NPIPB11: variants seen among roughly 807,000 people sequenced by gnomAD.
The protein encoded by NPIPB11 is nuclear pore complex interacting protein family member B11.
A neutral mutation model predicts 32.8 loss-of-function variants in NPIPB11; 17 were observed. The ratio of observed to expected loss-of-function variants is 0.52; its 90% CI spans 0.35 to 0.78. The LOEUF (loss-of-function observed/expected upper bound fraction) is 0.78. Among genes scored for constraint, NPIPB11 ranks in the 30% least tolerant of loss-of-function variants. The probability of loss-of-function intolerance (pLI) is 0.01; values close to 1 mark genes in which losing one functional copy is unlikely to be tolerated. For missense variants in NPIPB11, 537 were observed against 1,000.4 expected (o/e 0.54, Z 6.25); for synonymous variants, 209 against 398.4 (o/e 0.52, Z 5.66).
intron 2 of NPIPB11, among the ~76,000 whole-genome samples, chr16:29,402,724 CTGTGTGTGTGTGTGTGTGTG>C (rs71214272): frequency 1.0e-4 from 12 of 119,634 alleles, no homozygotes; most frequent in African/African-American, 3.6e-4. Context: ...CTCTCTCTCT[CTGTGTGTGTGTGTGTGTGTG>C]TGTGTGTGTG....
intron 3 of NPIPB11, among the ~76,000 whole-genome samples, chr16:29,391,580 A>G (rs1338134013): frequency 6.6e-6 from 1 of 151,384 alleles, no homozygotes; most frequent in Non-Finnish European, 1.5e-5. Context: ...TAATGACTGA[A>G]TTCCCACCAA....
At chr16:29,391,541 G>T (rs1963722978) in intron 3 of NPIPB11, among the ~76,000 whole-genome samples, 1 of 148,148 alleles carries the variant, frequency 6.8e-6, no homozygotes, top group Non-Finnish European at 1.5e-5. Context: ...CATTGAGGCT[G>T]GTTTGAACTT....
chr16:29,391,333 A>T (rs1963718203), intron 3 of NPIPB11, among the ~76,000 whole-genome samples: 1 of 148,232 alleles, frequency 6.7e-6, no homozygotes, highest in African/African-American at 2.5e-5. Flanking sequence ...ACACGGTTAG[A>T]TGGTAATTAT....
chr16:29,383,324 A>G (rs1963542065), exon 8 of NPIPB11: 3 of 1,527,590 alleles, frequency 2.0e-6, no homozygotes, highest in Non-Finnish European at 1.8e-6. Context: ...TCTTGATATT[A>G]TCATCTGCTG....
chr16:29,399,219 C>T (rs1412304334), intron 2 of NPIPB11, among the ~76,000 whole-genome samples: 1 of 152,160 alleles, frequency 6.6e-6, no homozygotes, highest in African/African-American at 2.4e-5. Flanking sequence ...AGGGCTTCTG[C>T]CCGATCACAC....
chr16:29,397,318 C>T (rs1272492852), intron 2 of NPIPB11, among the ~76,000 whole-genome samples: 1 of 151,810 alleles, frequency 6.6e-6, no homozygotes, highest in Non-Finnish European at 1.5e-5. Flanking sequence ...GCGATCCTCC[C>T]ACCTCAGCCT....
At chr16:29,405,709 G>A (rs968165065), upstream of NPIPB11, among the ~76,000 whole-genome samples, 1 of 152,088 alleles carries the variant, frequency 6.6e-6, no homozygotes, top group African/African-American at 2.4e-5. Flanking sequence ...TTTTAACACA[G>A]TCAATGAAAT....
At chr16:29,406,437 G>T (rs1006168796), upstream of NPIPB11, among the ~76,000 whole-genome samples, 3 of 152,190 alleles carry the variant, frequency 2.0e-5, no homozygotes, top group African/African-American at 4.8e-5. Flanking sequence ...GTCATGAATG[G>T]CTGGGCACCG....
chr16:29,389,503 A>G (rs983695019), intron 5 of NPIPB11, among the ~76,000 whole-genome samples: 2 of 149,222 alleles, frequency 1.3e-5, no homozygotes, highest in Non-Finnish European at 3.0e-5. Flanking sequence ...GTGAAACCCC[A>G]TCTCTAGTAA....
chr16:29,393,780 A>C (rs1963778731), intron 3 of NPIPB11, among the ~76,000 whole-genome samples, 168 bp downstream of exon 3: 2 of 152,212 alleles, frequency 1.3e-5, no homozygotes, highest in Admixed American at 1.3e-4. Flanking sequence ...TAATTTTCAT[A>C]ACGCAAATGG....
chr16:29,397,237 C>T (rs202242056), intron 2 of NPIPB11, among the ~76,000 whole-genome samples: 5 of 150,606 alleles, frequency 3.3e-5, no homozygotes, highest in Admixed American at 6.6e-5. Context: ...TTTTGGTCCA[C>T]TTTGTTTGTT....
chr16:29,391,368 G>A (rs1366002649), intron 3 of NPIPB11, among the ~76,000 whole-genome samples: 1 of 147,920 alleles, frequency 6.8e-6, no homozygotes, highest in Non-Finnish European at 1.5e-5. Flanking sequence ...TTTACCACAG[G>A]TTAACATGTT....
At chr16:29,401,307 T>A (rs1341927825) in intron 2 of NPIPB11, among the ~76,000 whole-genome samples, 1 of 152,114 alleles carries the variant, frequency 6.6e-6, no homozygotes, top group African/African-American at 2.4e-5. Flanking sequence ...CTCTCAATGT[T>A]CCCATCCTCA....
intron 2 of NPIPB11, among the ~76,000 whole-genome samples, chr16:29,394,426 C>T (rs1179586379): frequency 8.0e-6 from 1 of 124,518 alleles, no homozygotes; most frequent in African/African-American, 3.1e-5. Flanking sequence ...TAAAAAAAAA[C>T]CTCTTTTTTT....
At chr16:29,397,286 A>G (rs1429471433) in intron 2 of NPIPB11, among the ~76,000 whole-genome samples, 3 of 150,996 alleles carry the variant, frequency 2.0e-5, no homozygotes, top group Non-Finnish European at 4.4e-5. Flanking sequence ...GGCTCACTGC[A>G]ACGTCCAGCT....
chr16:29,402,681 C>G (rs556453508), intron 2 of NPIPB11, among the ~76,000 whole-genome samples: 275 of 136,478 alleles, frequency 2.0e-3, no homozygotes, highest in African/African-American at 2.5e-3. Context: ...CCAGCCTGGG[C>G]GACAGAGTGA....
At chr16:29,397,703 AG>A in intron 2 of NPIPB11, 7 of 399,188 alleles carry the variant, frequency 1.8e-5, no homozygotes, top group Non-Finnish European at 1.9e-5. Context: ...GGCTTAGGGC[AG>A]GGGGGAGGGA....
At chr16:29,389,754 A>G (rs1027364479) in intron 5 of NPIPB11, among the ~76,000 whole-genome samples, 187 bp downstream of exon 5, 4 of 151,360 alleles carry the variant, frequency 2.6e-5, no homozygotes, top group African/African-American at 9.7e-5. Flanking sequence ...AAAAAATTAC[A>G]AACAAGAATG....
intron 3 of NPIPB11, among the ~76,000 whole-genome samples, chr16:29,390,961 CAAAAAAAAA>C (rs1173802573): frequency 5.9e-5 from 5 of 84,568 alleles, no homozygotes; most frequent in African/African-American, 9.3e-5. Flanking sequence ...GAAACTGTCT[CAAAAAAAAA>C]AAAAAAAAAA....
Sources: allele counts gnomAD v4.1 joint callset (sites outside exome capture counted in the v4.1 genomes callset), GRCh38; gene constraint gnomAD v4.1.1; transcripts MANE v1.5; gene names NCBI Gene and HGNC (gene_info 2026-07-23, HGNC 2026-07-21).